Variants in ZBTB20 observed in about 807,000 individuals in gnomAD.
The protein encoded by ZBTB20 is zinc finger and BTB domain containing 20.
In ZBTB20, 9 loss-of-function variants were observed where a neutral mutation model predicts 56.9. The observed-to-expected ratio is 0.16, with a 90% confidence interval of 0.10 to 0.28. The LOEUF (loss-of-function observed/expected upper bound fraction) is 0.28. ZBTB20 is among the 10% of genes least tolerant of loss of function. The pLI, the probability that ZBTB20 is intolerant of heterozygous loss-of-function variation, is 1.00. For missense variants in ZBTB20, 655 were observed against 1,003.0 expected (o/e 0.65, Z 4.69); for synonymous variants, 417 against 420.7 (o/e 0.99, Z 0.11).
intron 5 of ZBTB20, among the ~76,000 whole-genome samples, chr3:114,755,185 A>G (rs1431504526): frequency 1.3e-5 from 2 of 152,170 alleles, no homozygotes; most frequent in Non-Finnish European, 2.9e-5. Context: ...ACTAGGCTAC[A>G]AGGTAATATA....
chr3:114,542,431 T>C (rs1043981217), intron 6 of ZBTB20, among the ~76,000 whole-genome samples: 1 of 152,056 alleles, frequency 6.6e-6, no homozygotes, highest in Non-Finnish European at 1.5e-5. Flanking sequence ...AAATAAAAAA[T>C]GGCAAAGCCT....
intron 4 of ZBTB20, among the ~76,000 whole-genome samples, chr3:114,813,660 A>G (rs1394013127): frequency 6.6e-6 from 1 of 152,210 alleles, no homozygotes; most frequent in African/African-American, 2.4e-5. Context: ...CTGAGGCAGG[A>G]GGATAGCTTG....
intron 7 of ZBTB20, among the ~76,000 whole-genome samples, chr3:114,389,436 A>G (rs1405710240): frequency 1.3e-5 from 2 of 150,592 alleles, no homozygotes; most frequent in Non-Finnish European, 3.0e-5. Context: ...GTGTCCTTCA[A>G]CCTTCCCACA....
In ZBTB20 at chr3:114,327,495, GGATT is replaced by G. The variant is rs2079101528; in HGVS notation, c.*11506_*11509del. On this transcript the variant is annotated 3_prime_UTR_variant, in exon 12 of 12. Transcript: ENST00000675478. ...ATGGACAAAGAAAAAGAAGGATATA[GGATT>G]GATTGGGAGAACATTCCAAGTGAAG... The G allele has an allele frequency of 6.6e-6, 1 of 152,076 alleles. No homozygotes were observed. Among genetic ancestry groups the G allele is most frequent in the Non-Finnish European group, 1.5e-5 (1 of 68,014 alleles). 9.4% of individuals were successfully genotyped at this position (152,076 alleles called of 1,614,324 possible).
At chr3:114,347,554 G>C (rs188977045) in intron 11 of ZBTB20, among the ~76,000 whole-genome samples, 2 of 152,140 alleles carry the variant, frequency 1.3e-5, no homozygotes, top group Admixed American at 6.5e-5. Flanking sequence ...GTTTTCCCTA[G>C]AAATTGAAAA....
intron 7 of ZBTB20, among the ~76,000 whole-genome samples, chr3:114,395,798 C>T (rs1470805022): frequency 6.6e-6 from 1 of 152,094 alleles, no homozygotes; most frequent in East Asian, 1.9e-4. Flanking sequence ...GATGGCCCTG[C>T]CAACACAAGG....
chr3:114,901,349 C>T (rs2075111501), intron 3 of ZBTB20, among the ~76,000 whole-genome samples: 1 of 152,044 alleles, frequency 6.6e-6, no homozygotes, highest in Non-Finnish European at 1.5e-5. Flanking sequence ...TACAGCAACA[C>T]ATTATAGTCA....
intron 5 of ZBTB20, among the ~76,000 whole-genome samples, chr3:114,799,361 T>C (rs1415589105): frequency 1.3e-5 from 2 of 151,814 alleles, no homozygotes; most frequent in Admixed American, 1.3e-4. Flanking sequence ...CTCACTTTGG[T>C]CAGGAAAAAG....
chr3:114,689,623 A>G (rs1487629799), intron 6 of ZBTB20, among the ~76,000 whole-genome samples: 1 of 152,168 alleles, frequency 6.6e-6, no homozygotes, highest in African/African-American at 2.4e-5. Context: ...CAAGAAGCAA[A>G]TGCTATCATT....
At chr3:114,818,036 C>T (rs1481766914) in intron 4 of ZBTB20, among the ~76,000 whole-genome samples, 1 of 152,116 alleles carries the variant, frequency 6.6e-6, no homozygotes, top group East Asian at 1.9e-4. Flanking sequence ...TGAGTTGCCC[C>T]AATATCACAT....
intron 5 of ZBTB20, among the ~76,000 whole-genome samples, chr3:114,776,573 C>T (rs554481257): frequency 2.1e-4 from 32 of 152,336 alleles, no homozygotes; most frequent in Admixed American, 1.8e-3. Flanking sequence ...CGATTTTGGA[C>T]TTTTGGCTTC....
chr3:114,833,737 T>C (rs991972723), intron 4 of ZBTB20, among the ~76,000 whole-genome samples: 2 of 151,356 alleles, frequency 1.3e-5, no homozygotes, highest in African/African-American at 4.9e-5. Context: ...GTTCTCACTA[T>C]GTTGTCAGAC....
At chr3:114,738,707 T>C (rs2066364107) in intron 5 of ZBTB20, among the ~76,000 whole-genome samples, 1 of 152,168 alleles carries the variant, frequency 6.6e-6, no homozygotes, top group Non-Finnish European at 1.5e-5. Flanking sequence ...AGACTCCCTA[T>C]TCCGATAAAT....
At chr3:114,590,481 A>C (rs1415352557) in intron 6 of ZBTB20, among the ~76,000 whole-genome samples, 2 of 148,078 alleles carry the variant, frequency 1.4e-5, no homozygotes, top group Non-Finnish European at 3.0e-5. Context: ...TAAATAAATA[A>C]ATTTATTTAT....
At chr3:114,752,958 G>T (rs372773311) in intron 5 of ZBTB20, among the ~76,000 whole-genome samples, 74 of 152,130 alleles carry the variant, frequency 4.9e-4, no homozygotes, top group Non-Finnish European at 7.4e-4. Context: ...AGATGAAAAA[G>T]AATTATTTTA....
intron 10 of ZBTB20, among the ~76,000 whole-genome samples, chr3:114,372,959 T>C (rs1030299963): frequency 2.0e-5 from 3 of 152,158 alleles, no homozygotes; most frequent in African/African-American, 4.8e-5. Context: ...GCTCTGTCAC[T>C]AGGCTAGAGT....
intron 5 of ZBTB20, among the ~76,000 whole-genome samples, chr3:114,728,218 TA>T (rs1267902654): frequency 6.6e-6 from 1 of 152,136 alleles, no homozygotes; most frequent in East Asian, 1.9e-4. Context: ...GTAACACTCA[TA>T]AGAAGGAGAA....
Position 114,776,564 on chromosome 3 carries a change from G to A in ZBTB20, c.-343+24537C>T, listed in dbSNP as rs759589719. 2.2e-4 allele frequency among the ~76,000 whole-genome samples: 33 copies of A among 152,192 alleles called. 1 individual carries two copies. The highest frequency in any genetic ancestry group is 2.5e-4 in the Non-Finnish European group (17 of 68,028). ...ATCTTGCTTCTCGCCCAATGATACC[G>A]ATTTTGGACTTTTGGCTTCCAGAAC... On this transcript the variant is annotated intron_variant, in intron 5 of 11. Transcript: ENST00000675478.
At chr3:114,949,897 A>G (rs1302585947) in intron 3 of ZBTB20, among the ~76,000 whole-genome samples, 1 of 152,216 alleles carries the variant, frequency 6.6e-6, no homozygotes, top group African/African-American at 2.4e-5. Flanking sequence ...GTAACTTAAT[A>G]ATAAAAACAG....
Sources: allele counts gnomAD v4.1 joint callset (sites outside exome capture counted in the v4.1 genomes callset), GRCh38; gene constraint gnomAD v4.1.1; transcripts MANE v1.5; gene names NCBI Gene and HGNC (gene_info 2026-07-23, HGNC 2026-07-21).